The following DYNC2H1 variants were observed in gnomAD, a reference collection of about 807,000 sequenced individuals.
DYNC2H1 encodes the protein cytoplasmic dynein 2 heavy chain 1.
A neutral mutation model predicts 570.0 loss-of-function variants in DYNC2H1; 410 were observed. The observed-to-expected ratio is 0.72, with a 90% CI of 0.66 to 0.78. DYNC2H1 has a LOEUF of 0.78. Among genes scored for constraint, DYNC2H1 ranks in the 30% least tolerant of loss-of-function variants. DYNC2H1 has a pLI of 0.00. For missense variants in DYNC2H1, 4,865 were observed against 5,046.4 expected (o/e 0.96, Z 1.09); for synonymous variants, 1,688 against 1,677.6 (o/e 1.01, Z -0.15).
rs544963984 is a variant in DYNC2H1, at chr11:103,435,641, T to C, written c.12367-302T>C. 2.3e-3 allele frequency among the ~76,000 whole-genome samples: 355 copies of C among 152,246 alleles called. 2 individuals carry two copies. Among genetic ancestry groups the C allele is most frequent in the Non-Finnish European group, 4.6e-3 (311 of 68,000 alleles). ...AATCTTTACCACTTATAAAATGAAT[T>C]TGTCAAATTTAATTTGAGTTTCATT... On this transcript the variant is annotated intron_variant, in intron 84 of 88. Transcript: ENST00000375735.
chr11:103,348,368 G>A (rs550671135), intron 82 of DYNC2H1, among the ~76,000 whole-genome samples: 1 of 152,230 alleles, frequency 6.6e-6, no homozygotes, highest in Admixed American at 6.5e-5. Context: ...TTTGAAATAT[G>A]CATATACTTT....
rs1181347081 is a variant in DYNC2H1 at position 103,323,894 on chromosome 11, T to C, written c.11943T>C (p.Arg3981=). Reference sequence around the variant, plus strand: ...CACTTCTTTATATTTAGGACTATCGTGCTGTCATTGAGAAAATTCCAGAGG... The same window carrying C: ...CACTTCTTTATATTTAGGACTATCGCGCTGTCATTGAGAAAATTCCAGAGG... ...LPQSCSILDY[R]AVIEKIPEDD... The change falls in exon 82 of 89, where the codon CGT becomes CGC. Residue 3981 remains arginine (R), a synonymous_variant. Transcript: ENST00000375735. 8 of 1,612,212 alleles carry C rather than the reference T, an allele frequency of 5.0e-6. No individual in the cohort carries two copies. The African/African-American group carries it at 1.1e-4, about 22-fold the overall frequency.
rs555467314 is a variant in DYNC2H1 at position 103,268,795 on chromosome 11, C to T, written c.10695+8818C>T. Among the ~76,000 whole-genome samples the T allele has an allele frequency of 6.6e-6, 1 of 151,926 alleles. No homozygotes were observed. Among genetic ancestry groups the T allele is most frequent in the African/African-American group, 2.4e-5 (1 of 41,508 alleles). On this transcript the variant is annotated intron_variant, in intron 70 of 88. Transcript: ENST00000375735. The surrounding 1 kb of genome is among the most constrained non-coding windows in gnomAD (Gnocchi z 4.6). ...TCTTGTTCATTTGAAATATTAGTAG[C>T]TTTTCTTATTAGGAGTTAGTTGCTT...
chr11:103,382,520 G>A (rs1252664615), intron 83 of DYNC2H1, among the ~76,000 whole-genome samples: 1 of 152,110 alleles, frequency 6.6e-6, no homozygotes, highest in Admixed American at 6.5e-5. Flanking sequence ...TCAGAGTCTT[G>A]TCCAATTTTA....
rs1327553072 is a variant in DYNC2H1 at position 103,129,559 on chromosome 11, C to G, written c.1953+554C>G. ...ATTAGCCAGGCATGGTGGTGGGTGCCTGTAATCCCAGCTACTCGGGAGGCT... is the reference window on the plus strand; with the variant it reads ...ATTAGCCAGGCATGGTGGTGGGTGCGTGTAATCCCAGCTACTCGGGAGGCT... On this transcript the variant is annotated intron_variant, in intron 13 of 88. Coordinates refer to ENST00000375735, the MANE Select transcript of DYNC2H1 (RefSeq NM_001377.3). This position sits in a 1 kb window ranked among gnomAD's most constrained non-coding sequence, Gnocchi z 4.1. 1.3e-5 allele frequency among the ~76,000 whole-genome samples: 2 copies of G among 152,060 alleles called. No homozygotes were observed. The highest frequency in any genetic ancestry group is 4.8e-5 in the African/African-American group (2 of 41,408).
rs189194389 is a variant in DYNC2H1 at position 103,324,238 on chromosome 11, G to A, written c.12039+248G>A. The stretch of plus-strand genomic sequence containing the variant: ...TTGTTACATAGGTAAATTGTGTGTC[G>A]TAAGGGTTTGGTGTACAGATTATTT... On this transcript the variant is annotated intron_variant, in intron 82 of 88. Coordinates refer to ENST00000375735, the MANE Select transcript of DYNC2H1 (RefSeq NM_001377.3). The surrounding 1 kb of genome is among the most constrained non-coding windows in gnomAD (Gnocchi z 5.2). 4.6e-5 allele frequency among the ~76,000 whole-genome samples: 7 copies of A among 152,160 alleles called. No individual in the cohort carries two copies. The highest frequency in any genetic ancestry group is 3.9e-4 in the East Asian group (2 of 5,194).
At chr11:103,191,042 TC>T (rs1329137956) in intron 45 of DYNC2H1, among the ~76,000 whole-genome samples, 13 of 82,474 alleles carry the variant, frequency 1.6e-4, no homozygotes, top group African/African-American at 2.0e-4. Context: ...TTTTTCTTTT[TC>T]TTTTTTTTTT....
chr11:103,212,021 G>A lies in DYNC2H1; in HGVS notation c.8694+78G>A, dbSNP rs1203959217. Reference sequence around the variant, plus strand: ...TTTGTAAATCACAATGCTATGTTGCGGGTGGCATATATCTGGTATTAATAA... The same window carrying A: ...TTTGTAAATCACAATGCTATGTTGCAGGTGGCATATATCTGGTATTAATAA... On this transcript the variant is annotated intron_variant, in intron 54 of 88. Transcript: ENST00000375735. The A allele has an allele frequency of 1.7e-5, 22 of 1,304,168 alleles. No individual in the cohort carries two copies. The East Asian group carries it at 2.0e-4, about 12-fold the overall frequency. The allele number at this position is 1,304,168 out of a possible 1,614,324, so 80.8% of individuals were successfully genotyped here.
intron 75 of DYNC2H1, among the ~76,000 whole-genome samples, chr11:103,302,004 T>C (rs1867067693): frequency 6.6e-6 from 1 of 152,062 alleles, no homozygotes; most frequent in Non-Finnish European, 1.5e-5. Context: ...TTTTAAATTA[T>C]TAATTGACAT....
rs1861518680 is a variant in DYNC2H1, at chr11:103,170,357, A to G, written c.5151+67A>G. On this transcript the variant is annotated intron_variant, in intron 33 of 88. Transcript: ENST00000375735. This position sits in a 1 kb window ranked among gnomAD's most constrained non-coding sequence, Gnocchi z 4.8. ...CATATTTAGATTAGTTTCTATTAGT[A>G]TATGAAATACTCTACTTAAAAATCA... 6.6e-6 allele frequency: 9 copies of G among 1,364,404 alleles called. No individual in the cohort carries two copies. The Admixed American group carries it at 9.2e-5, about 14-fold the overall frequency. The allele number at this position is 1,364,404 out of a possible 1,614,324, so 84.5% of individuals were successfully genotyped here.
Position 103,187,519 on chromosome 11 carries a change from TA to T in DYNC2H1, c.7077del (p.Asp2360IlefsTer16). ...GACTGTGAAAGACTTGTTCTGTACT[TA>T]AAAGATATCAACCTACCTAAACTTG... Reference protein sequence around the residue: ...PKDCERLVLYLKDINLPKLDK... With the variant: ...PKDCERLVLYXKDINLPKLDK... On this transcript the variant is annotated frameshift_variant, in exon 43 of 89. Coordinates refer to ENST00000375735, the MANE Select transcript of DYNC2H1 (RefSeq NM_001377.3). LOFTEE classifies it high-confidence loss of function. 1 of 1,613,368 alleles carries T rather than the reference TA, an allele frequency of 6.2e-7. No homozygotes were observed. Among genetic ancestry groups the T allele is most frequent in the Non-Finnish European group, 8.5e-7 (1 of 1,179,486 alleles).
chr11:103,447,200 C>T (rs1944452839), intron 85 of DYNC2H1, among the ~76,000 whole-genome samples: 1 of 151,894 alleles, frequency 6.6e-6, no homozygotes, highest in Admixed American at 6.6e-5. Context: ...AGCCTAGAAA[C>T]CCAGGTTTAT....
Position 103,151,524 on chromosome 11 carries a change from A to G in DYNC2H1, c.2947-612A>G, listed in dbSNP as rs1375174805. 5.9e-5 allele frequency among the ~76,000 whole-genome samples: 9 copies of G among 152,188 alleles called. No homozygotes were observed. Among genetic ancestry groups the G allele is most frequent in the African/African-American group, 2.2e-4 (9 of 41,446 alleles). ...TAATTATAGGATACTGTTGTTTTAC[A>G]GAGCTTTAAAAGCCTTAGAGGCAAT... On this transcript the variant is annotated intron_variant, in intron 20 of 88. Transcript: ENST00000375735. This position sits in a 1 kb window ranked among gnomAD's most constrained non-coding sequence, Gnocchi z 4.6.
At position 103,274,323 on chromosome 11, in the gene DYNC2H1, G is replaced by A. The variant is rs189572512; in HGVS notation, c.10696-6025G>A. ...TGTAGTAAGCTATGATCACACTACT[G>A]CACCCCAGCCTGGGCAACAGAGTGA... On this transcript the variant is annotated intron_variant, in intron 70 of 88. Coordinates refer to ENST00000375735, the MANE Select transcript of DYNC2H1 (RefSeq NM_001377.3). Among the ~76,000 whole-genome samples, 86 of 152,122 alleles carry A rather than the reference G, an allele frequency of 5.7e-4. 1 individual carries two copies. In the Middle Eastern group the frequency reaches 0.01, roughly 18 times the overall value.
intron 17 of DYNC2H1, among the ~76,000 whole-genome samples, chr11:103,140,355 G>A (rs947258944): frequency 3.9e-5 from 6 of 152,196 alleles, no homozygotes; most frequent in Admixed American, 3.9e-4. Flanking sequence ...GGTACCAGTT[G>A]TTCCTTTCCA....
At chr11:103,296,105 G>A (rs1211904958) in intron 75 of DYNC2H1, among the ~76,000 whole-genome samples, 2 of 152,126 alleles carry the variant, frequency 1.3e-5, no homozygotes, top group African/African-American at 2.4e-5. Context: ...GGCAATCCAA[G>A]ACTGTTCTTC....
intron 84 of DYNC2H1, among the ~76,000 whole-genome samples, chr11:103,425,520 T>A (rs35366198): frequency 0.052 from 7,918 of 152,102 alleles, 390 homozygotes; most frequent in East Asian, 0.19. Context: ...CATAACCTAT[T>A]TCCTTCCAGA....
intron 81 of DYNC2H1, among the ~76,000 whole-genome samples, chr11:103,323,192 A>T (rs1461705059): frequency 1.3e-5 from 2 of 152,210 alleles, no homozygotes; most frequent in African/African-American, 2.4e-5. Context: ...GTTTAGGCCA[A>T]ACTGAATAAG....
In DYNC2H1 at chr11:103,186,585, T is replaced by C; in HGVS notation, c.6893+84T>C. 1 of 1,494,420 alleles carries C rather than the reference T, an allele frequency of 6.7e-7. No homozygotes were observed. The highest frequency in any genetic ancestry group is 1.4e-5 in the African/African-American group (1 of 71,734). 92.6% of individuals were successfully genotyped at this position (1,494,420 alleles called of 1,614,324 possible). A position where few individuals can be genotyped will look rare whatever the true frequency, so the allele number is the denominator to read the frequency against. On this transcript the variant is annotated intron_variant, in intron 42 of 88. Coordinates refer to ENST00000375735, the MANE Select transcript of DYNC2H1 (RefSeq NM_001377.3). The surrounding 1 kb of genome is among the most constrained non-coding windows in gnomAD (Gnocchi z 4.5). ...ATTTAATGGCTTTTGTTATGTTTCT[T>C]TTGGTTAAAGTAGCATTTACATTTT...
Sources: gnomAD v4.1 joint callset for allele counts (sites outside exome capture counted in the v4.1 genomes callset) on GRCh38, gnomAD v4.1.1 for gene constraint, Gnocchi (gnomAD v3.1) non-coding constraint, MANE v1.5 for transcripts, NCBI Gene and HGNC (gene_info 2026-07-23, HGNC 2026-07-21) for gene names.